BAALC: variants seen among roughly 807,000 people sequenced by gnomAD.
BAALC encodes the protein brain and acute leukemia cytoplasmic protein.
Under a neutral mutation model 15.5 loss-of-function variants are expected in BAALC, and 9 were observed. The observed-to-expected ratio is 0.58, with a 90% CI of 0.35 to 1.02. The LOEUF (loss-of-function observed/expected upper bound fraction) is 1.02, where lower values mean the gene tolerates loss of function less well. Among genes scored for constraint, BAALC ranks in the 50% least tolerant of loss-of-function variants. The pLI, the probability that BAALC is intolerant of heterozygous loss-of-function variation, is 0.02. For synonymous variants in BAALC, 80 were observed against 74.6 expected, an observed-to-expected ratio of 1.07 and a Z score of -0.37; for missense variants, 201 against 192.4, an observed-to-expected ratio of 1.04 and a Z score of -0.27.
At chr8:103,182,415 T>C (rs1286180334) in intron 1 of BAALC, among the ~76,000 whole-genome samples, 1 of 152,222 alleles carries the variant, frequency 6.6e-6, no homozygotes, top group Non-Finnish European at 1.5e-5. Context: ...ACGTAACATG[T>C]GGTTATATAC....
intron 2 of BAALC, among the ~76,000 whole-genome samples, chr8:103,214,718 A>G (rs7001084): frequency 0.49 from 73,770 of 152,080 alleles, 18,211 homozygotes; most frequent in South Asian, 0.53. Context: ...TGAACAGATG[A>G]GCCTCCTCTT....
chr8:103,199,648 T>C (rs994532900), intron 1 of BAALC, among the ~76,000 whole-genome samples: 1 of 151,262 alleles, frequency 6.6e-6, no homozygotes, highest in African/African-American at 2.4e-5. Context: ...TATCATCTAA[T>C]TTCTTTCTTT....
chr8:103,144,677 C>T (rs1339276949), intron 1 of BAALC, among the ~76,000 whole-genome samples: 11 of 152,104 alleles, frequency 7.2e-5, no homozygotes, highest in Admixed American at 7.2e-4. Flanking sequence ...TCTAATTTCT[C>T]CAGAGAAAAC....
intron 2 of BAALC, among the ~76,000 whole-genome samples, chr8:103,223,602 A>C (rs1376455621): frequency 1.3e-5 from 2 of 151,898 alleles, no homozygotes; most frequent in South Asian, 2.1e-4. Flanking sequence ...CAGATTTAAG[A>C]AATGACCCTA....
chr8:103,149,984 G>A (rs1020725807), intron 1 of BAALC, among the ~76,000 whole-genome samples: 4 of 152,050 alleles, frequency 2.6e-5, no homozygotes, highest in East Asian at 3.9e-4. Flanking sequence ...TGCTGCCGAC[G>A]AAGACACACC....
intron 2 of BAALC, among the ~76,000 whole-genome samples, chr8:103,220,112 G>A (rs1374431328): frequency 6.6e-6 from 1 of 152,174 alleles, no homozygotes; most frequent in Non-Finnish European, 1.5e-5. Context: ...TAAGCCCCAA[G>A]TTCTTCCTTC....
chr8:103,159,354 A>G (rs909731970), intron 1 of BAALC, among the ~76,000 whole-genome samples: 10 of 152,244 alleles, frequency 6.6e-5, no homozygotes, highest in African/African-American at 2.4e-4. Context: ...TAGGAATTAC[A>G]AAATGGTGAT....
At chr8:103,184,219 A>T (rs1235119105) in intron 1 of BAALC, among the ~76,000 whole-genome samples, 1 of 152,196 alleles carries the variant, frequency 6.6e-6, no homozygotes, top group Non-Finnish European at 1.5e-5. Flanking sequence ...AGGATATTTC[A>T]GGATAATCTA....
intron 1 of BAALC, among the ~76,000 whole-genome samples, chr8:103,196,306 G>A (rs1400722782): frequency 2.0e-5 from 3 of 151,966 alleles, no homozygotes; most frequent in African/African-American, 7.3e-5. Flanking sequence ...TTTGAGACAG[G>A]GTCTCATTCT....
chr8:103,198,017 A>C, intron 1 of BAALC: 1 of 654,118 alleles, frequency 1.5e-6, no homozygotes, highest in Middle Eastern at 2.4e-4. Context: ...GTGAGGACTA[A>C]CCATGCCTGA....
At chr8:103,196,452 TTTA>T (rs1392802481) in intron 1 of BAALC, among the ~76,000 whole-genome samples, 1 of 152,070 alleles carries the variant, frequency 6.6e-6, no homozygotes, top group Admixed American at 6.5e-5. Context: ...GGCTAATTTT[TTTA>T]TTTTTTGTAG....
At chr8:103,145,173 T>C (rs1260393187) in intron 1 of BAALC, among the ~76,000 whole-genome samples, 1 of 152,270 alleles carries the variant, frequency 6.6e-6, no homozygotes, top group Non-Finnish European at 1.5e-5. Flanking sequence ...CACAATTGTC[T>C]TCTGCATCAT....
chr8:103,217,001 C>T (rs1042626978), intron 2 of BAALC, among the ~76,000 whole-genome samples: 9 of 152,128 alleles, frequency 5.9e-5, no homozygotes, highest in South Asian at 2.1e-4. Flanking sequence ...TAAAATGGGG[C>T]GGGCAGAGTC....
chr8:103,210,898 A>G (rs1356260340), intron 1 of BAALC, among the ~76,000 whole-genome samples: 1 of 152,218 alleles, frequency 6.6e-6, no homozygotes, highest in African/African-American at 2.4e-5. Flanking sequence ...ATTTGAAAAT[A>G]TATTGCAGAA....
chr8:103,141,729 G>A (rs1810783251), intron 1 of BAALC, among the ~76,000 whole-genome samples: 1 of 152,210 alleles, frequency 6.6e-6, no homozygotes, highest in African/African-American at 2.4e-5. Context: ...CTACCCTATG[G>A]TGTCCCAATG....
chr8:103,173,594 AT>A (rs1811545197), intron 1 of BAALC, among the ~76,000 whole-genome samples: 1 of 152,176 alleles, frequency 6.6e-6, no homozygotes, highest in South Asian at 2.1e-4. Flanking sequence ...TGACTGTCAC[AT>A]TTTCAGGCAA....
intron 2 of BAALC, among the ~76,000 whole-genome samples, chr8:103,226,260 A>G (rs1276778899): frequency 6.6e-6 from 1 of 152,246 alleles, no homozygotes; most frequent in Non-Finnish European, 1.5e-5. Flanking sequence ...AGCTGACAAC[A>G]GCTTCAGCGA....
At chr8:103,218,871 C>T (rs1197944513) in intron 2 of BAALC, among the ~76,000 whole-genome samples, 35 of 152,218 alleles carry the variant, frequency 2.3e-4, no homozygotes. Context: ...GGTGAAGGTC[C>T]ACAGAGATAG....
intron 1 of BAALC, among the ~76,000 whole-genome samples, chr8:103,158,253 T>A (rs1811142942): frequency 6.6e-6 from 1 of 152,224 alleles, no homozygotes; most frequent in Non-Finnish European, 1.5e-5. Flanking sequence ...AATGTTGCTA[T>A]ATTCAGTTAG....
Sources: allele counts gnomAD v4.1 joint callset (sites outside exome capture counted in the v4.1 genomes callset), GRCh38; gene constraint gnomAD v4.1.1; transcripts MANE v1.5; gene names NCBI Gene and HGNC (gene_info 2026-07-23, HGNC 2026-07-21).